Variants in SEMA5A observed in about 807,000 individuals in gnomAD.
SEMA5A encodes semaphorin 5A.
Under a neutral mutation model 135.5 loss-of-function variants are expected in SEMA5A, and 55 were observed. That is an observed-to-expected ratio of 0.41 (90% confidence interval 0.33 to 0.51). SEMA5A has a LOEUF of 0.51. Ranked by LOEUF, SEMA5A falls within the 20% of genes least tolerant of loss-of-function variation. SEMA5A has a pLI of 0.37. For missense variants in SEMA5A, 1,290 were observed against 1,419.9 expected (o/e 0.91, Z 1.47); for synonymous variants, 580 against 546.5 (o/e 1.06, Z -0.85).
chr5:9,120,078 GT>G (rs540926989), intron 14 of SEMA5A, among the ~76,000 whole-genome samples: 6 of 151,162 alleles, frequency 4.0e-5, no homozygotes, highest in African/African-American at 7.3e-5. Context: ...AAATACATAG[GT>G]TTTTTTTTAA....
intron 4 of SEMA5A, among the ~76,000 whole-genome samples, chr5:9,332,205 C>A (rs6555602): frequency 0.91 from 137,997 of 151,274 alleles, 63,161 homozygotes; most frequent in South Asian, 0.96. Flanking sequence ...GCATGCAGCT[C>A]TGGGCTGGTA....
chr5:9,400,962 G>C (rs145279386), intron 2 of SEMA5A, among the ~76,000 whole-genome samples: 44 of 152,058 alleles, frequency 2.9e-4, no homozygotes, highest in African/African-American at 8.9e-4. Context: ...TTTAATGCTT[G>C]TGTTGGTGGA....
At chr5:9,090,522 AT>A (rs1288549680) in intron 16 of SEMA5A, among the ~76,000 whole-genome samples, 19 of 152,334 alleles carry the variant, frequency 1.2e-4, no homozygotes, top group South Asian at 8.3e-4. Flanking sequence ...CTCCTTACAA[AT>A]ATGATGACGG....
intron 1 of SEMA5A, among the ~76,000 whole-genome samples, chr5:9,499,610 T>G (rs1263498482): frequency 6.6e-6 from 1 of 152,230 alleles, no homozygotes; most frequent in Non-Finnish European, 1.5e-5. Context: ...GAACAGGAAG[T>G]TTGACAGGCA....
chr5:9,430,741 G>A (rs2126655089), intron 2 of SEMA5A, among the ~76,000 whole-genome samples: 1 of 152,284 alleles, frequency 6.6e-6, no homozygotes, highest in Non-Finnish European at 1.5e-5. Flanking sequence ...AGGCAGTGCT[G>A]AAGGAATGAC....
chr5:9,146,689 T>A (rs1207258268), intron 12 of SEMA5A, among the ~76,000 whole-genome samples: 1 of 152,204 alleles, frequency 6.6e-6, no homozygotes, highest in African/African-American at 2.4e-5. Flanking sequence ...CAGAATTTCT[T>A]ATTACACTCT....
chr5:9,441,489 G>A (rs1229367949), intron 1 of SEMA5A, among the ~76,000 whole-genome samples: 2 of 152,102 alleles, frequency 1.3e-5, no homozygotes, highest in Non-Finnish European at 2.9e-5. Flanking sequence ...CATCCCTGGA[G>A]TTGGGTGGAA....
chr5:9,213,318 G>A (rs1746441958), intron 8 of SEMA5A, among the ~76,000 whole-genome samples: 1 of 152,164 alleles, frequency 6.6e-6, no homozygotes, highest in Non-Finnish European at 1.5e-5. Flanking sequence ...AAGCATGTGG[G>A]ACCCAGGAGT....
At chr5:9,404,331 G>A (rs951943009) in intron 2 of SEMA5A, among the ~76,000 whole-genome samples, 4 of 152,092 alleles carry the variant, frequency 2.6e-5, no homozygotes, top group South Asian at 2.1e-4. Context: ...ATGGTGATAC[G>A]CGTTTTCATT....
chr5:9,084,521 T>C (rs1233051988), intron 16 of SEMA5A, among the ~76,000 whole-genome samples: 2 of 152,164 alleles, frequency 1.3e-5, no homozygotes, highest in East Asian at 1.9e-4. Context: ...TCTCATGAGA[T>C]AAAATGGTTT....
chr5:9,050,852 T>TC (rs1425455263), intron 20 of SEMA5A, among the ~76,000 whole-genome samples: 1 of 152,162 alleles, frequency 6.6e-6, no homozygotes, highest in Non-Finnish European at 1.5e-5. Flanking sequence ...GTTGTCACCT[T>TC]CCCGGCAGAG....
intron 17 of SEMA5A, 65 bp downstream of exon 17, chr5:9,066,356 C>A: frequency 6.7e-7 from 1 of 1,499,030 alleles, no homozygotes; most frequent in Non-Finnish European, 9.3e-7. Context: ...CTGTTTATGA[C>A]CTTAGAGAAA....
intron 8 of SEMA5A, among the ~76,000 whole-genome samples, chr5:9,210,057 G>A (rs1219594605): frequency 1.3e-5 from 2 of 152,192 alleles, no homozygotes; most frequent in Non-Finnish European, 2.9e-5. Context: ...CTACAGTGAG[G>A]CATCCCTTCT....
At chr5:9,433,695 G>A (rs1757935491) in intron 2 of SEMA5A, among the ~76,000 whole-genome samples, 1 of 146,986 alleles carries the variant, frequency 6.8e-6, no homozygotes. Flanking sequence ...AACACAATGA[G>A]TAAAAAATAA....
At chr5:9,083,525 C>G (rs1738504963) in intron 16 of SEMA5A, among the ~76,000 whole-genome samples, 1 of 152,130 alleles carries the variant, frequency 6.6e-6, no homozygotes, top group African/African-American at 2.4e-5. Flanking sequence ...CTAAGTGATA[C>G]TTTCTATTTA....
intron 16 of SEMA5A, among the ~76,000 whole-genome samples, chr5:9,094,602 G>T (rs1003661983): frequency 3.3e-5 from 5 of 152,178 alleles, no homozygotes; most frequent in African/African-American, 1.2e-4. Context: ...GAGGCTTATT[G>T]TTCCAGAGCT....
At chr5:9,374,456 G>A (rs739945) in intron 3 of SEMA5A, among the ~76,000 whole-genome samples, 7 of 152,060 alleles carry the variant, frequency 4.6e-5, no homozygotes, top group East Asian at 1.9e-4. Context: ...AAGATTATCC[G>A]GTTCTCCCTT....
chr5:9,407,005 C>A (rs1756911338), intron 2 of SEMA5A, among the ~76,000 whole-genome samples: 1 of 152,312 alleles, frequency 6.6e-6, no homozygotes, highest in South Asian at 2.1e-4. Flanking sequence ...TCATTTTGGA[C>A]AGGATACATG....
rs201717537 is a variant in SEMA5A at position 9,101,561 on chromosome 5, A to G, written c.2073+6579T>C. Among the ~76,000 whole-genome samples the G allele has an allele frequency of 3.3e-5, 5 of 152,216 alleles. No individual in the cohort carries two copies. In the East Asian group the frequency reaches 9.6e-4, roughly 29 times the overall value. Reference sequence around the variant, plus strand: ...AATTCTGTATGTTTTCAGTGGAGTTAGAGTCAACTATTTTATGTATTTCTT... The same window carrying G: ...AATTCTGTATGTTTTCAGTGGAGTTGGAGTCAACTATTTTATGTATTTCTT... On this transcript the variant is annotated intron_variant, in intron 16 of 22. Transcript: ENST00000382496.
Sources: allele counts gnomAD v4.1 joint callset (sites outside exome capture counted in the v4.1 genomes callset), GRCh38; gene constraint gnomAD v4.1.1; transcripts MANE v1.5; gene names NCBI Gene and HGNC (gene_info 2026-07-23, HGNC 2026-07-21).